AUTS2: variants seen among roughly 807,000 people sequenced by gnomAD.
AUTS2 encodes activator of transcription and developmental regulator AUTS2.
Under a neutral mutation model 112.4 loss-of-function variants are expected in AUTS2, and 17 were observed. The ratio of observed to expected loss-of-function variants is 0.15; its 90% CI spans 0.10 to 0.23. The LOEUF (loss-of-function observed/expected upper bound fraction) is 0.23, where lower values mean the gene tolerates loss of function less well. Ranked by LOEUF, AUTS2 falls within the 10% of genes least tolerant of loss-of-function variation. The probability of loss-of-function intolerance (pLI) is 1.00; values close to 1 mark genes in which losing one functional copy is unlikely to be tolerated. For synonymous variants in AUTS2, 751 were observed against 702.7 expected, an observed-to-expected ratio of 1.07 and a Z score of -1.09; for missense variants, 1,510 against 1,701.6, an observed-to-expected ratio of 0.89 and a Z score of 1.98.
intron 2 of AUTS2, among the ~76,000 whole-genome samples, chr7:69,977,866 A>G (rs1798124805): frequency 1.3e-5 from 2 of 152,128 alleles, no homozygotes; most frequent in Non-Finnish European, 2.9e-5. Context: ...CCACCATGTC[A>G]TTTTTGGGGG....
chr7:70,030,040 A>G (rs1209513064), intron 2 of AUTS2, among the ~76,000 whole-genome samples: 1 of 152,170 alleles, frequency 6.6e-6, no homozygotes, highest in Non-Finnish European at 1.5e-5. Flanking sequence ...CTTTCCAGAA[A>G]ATCTCAGCAG....
In AUTS2 at chr7:70,667,005, CT is replaced by C. The variant is rs552757482; in HGVS notation, c.691-31563del. On this transcript the variant is annotated intron_variant, in intron 5 of 18. Transcript: ENST00000342771. ...AAAAAAAAAAAAGTTTCCTTCCCCCCTCTTCTCTCTGCCTTTCCACAACACA... is the reference window on the plus strand; with the variant it reads ...AAAAAAAAAAAAGTTTCCTTCCCCCCCTTCTCTCTGCCTTTCCACAACACA... Among the ~76,000 whole-genome samples the C allele has an allele frequency of 1.0e-3, 157 of 151,704 alleles. 1 individual carries two copies. The highest frequency in any genetic ancestry group is 3.4e-3 in the African/African-American group (142 of 41,398).
intron 1 of AUTS2, among the ~76,000 whole-genome samples, chr7:69,776,616 G>T (rs2129306817): frequency 6.6e-6 from 1 of 152,238 alleles, no homozygotes; most frequent in Admixed American, 6.5e-5. Context: ...ATGGGGTCTT[G>T]CTATGTTTCC....
Position 69,874,999 on chromosome 7 carries a change from C to T in AUTS2, c.310-24287C>T, listed in dbSNP as rs900617826. ...AACTCGTGATGCCTCCCTGAACCTT[C>T]GATGATTATCTATTGACTATAATCT... On this transcript the variant is annotated intron_variant, in intron 1 of 18. Coordinates refer to ENST00000342771, the MANE Select transcript of AUTS2 (RefSeq NM_015570.4). 4.6e-5 allele frequency among the ~76,000 whole-genome samples: 7 copies of T among 151,442 alleles called. No individual in the cohort carries two copies. The East Asian group carries it at 1.4e-3, about 29-fold the overall frequency.
At chr7:70,486,895 A>AT (rs1287937829) in intron 5 of AUTS2, among the ~76,000 whole-genome samples, 2 of 54,672 alleles carry the variant, frequency 3.7e-5, no homozygotes, top group South Asian at 1.2e-3. Flanking sequence ...TTGTTTTTGT[A>AT]TTCCCCCCCC....
chr7:70,568,570 C>T lies in AUTS2; in HGVS notation c.691-129999C>T, dbSNP rs572233294. On this transcript the variant is annotated intron_variant, in intron 5 of 18. Coordinates refer to ENST00000342771, the MANE Select transcript of AUTS2 (RefSeq NM_015570.4). ...ATCACTTGCCTCATCCCCATCTTCT[C>T]CATCGCAGTGAGGACTGTTCTCAAG... Among the ~76,000 whole-genome samples, 12 of 152,352 alleles carry T rather than the reference C, an allele frequency of 7.9e-5. 1 individual carries two copies. In the South Asian group the frequency reaches 2.5e-3, roughly 32 times the overall value.
At position 70,151,636 on chromosome 7, in the gene AUTS2, G is replaced by C. The variant is rs144590451; in HGVS notation, c.660+17065G>C. On this transcript the variant is annotated intron_variant, in intron 4 of 18. Coordinates refer to ENST00000342771, the MANE Select transcript of AUTS2 (RefSeq NM_015570.4). Reference sequence around the variant, plus strand: ...GCTAATTTTTGTCATTTTTTTAGTTGAGATGGGGTTTCACCATGTTGGCCC... The same window carrying C: ...GCTAATTTTTGTCATTTTTTTAGTTCAGATGGGGTTTCACCATGTTGGCCC... Among the ~76,000 whole-genome samples, 238 of 152,074 alleles carry C rather than the reference G, an allele frequency of 1.6e-3. 1 individual carries two copies. The highest frequency in any genetic ancestry group is 4.9e-3 in the African/African-American group (204 of 41,476).
At chr7:69,922,482 G>C (rs1363697604) in intron 2 of AUTS2, among the ~76,000 whole-genome samples, 1 of 152,094 alleles carries the variant, frequency 6.6e-6, no homozygotes, top group Non-Finnish European at 1.5e-5. Context: ...TACTGTATAG[G>C]CCCTGGTATG....
intron 14 of AUTS2, among the ~76,000 whole-genome samples, chr7:70,780,547 T>C (rs1002841049): frequency 6.6e-6 from 1 of 152,054 alleles, no homozygotes; most frequent in African/African-American, 2.4e-5. Flanking sequence ...GGCTGATCTT[T>C]TGTATTTTAG....
At position 70,775,483 on chromosome 7, in the gene AUTS2, G is replaced by C. The variant is rs1488363381; in HGVS notation, c.1932+97G>C. The C allele has an allele frequency of 3.1e-5, 30 of 977,268 alleles. No individual in the cohort carries two copies. In the Admixed American group the frequency reaches 5.6e-4, roughly 18 times the overall value. The allele number at this position is 977,268 out of a possible 1,614,324, so 60.5% of individuals were successfully genotyped here. A position where few individuals can be genotyped will look rare whatever the true frequency, so the allele number is the denominator to read the frequency against. The stretch of plus-strand genomic sequence containing the variant: ...TTACAAGGAAATAAGCCATAGAAAT[G>C]TTGGAATAAGACATTGGAATGACGG... On this transcript the variant is annotated intron_variant, in intron 13 of 18. Coordinates refer to ENST00000342771, the MANE Select transcript of AUTS2 (RefSeq NM_015570.4).
rs980144249 is a variant in AUTS2, at chr7:70,050,305, C to T, written c.523-67827C>T. On this transcript the variant is annotated intron_variant, in intron 2 of 18. Coordinates refer to ENST00000342771, the MANE Select transcript of AUTS2 (RefSeq NM_015570.4). ...CCATGAGGTGGAGGTTGCAGTGAGC[C>T]GAGATCGAGCCACTGCAATCCAGCC... Among the ~76,000 whole-genome samples, 8 of 125,070 alleles carry T rather than the reference C, an allele frequency of 6.4e-5. No individual in the cohort carries two copies. In the Admixed American group the frequency reaches 7.7e-4, roughly 12 times the overall value. The allele number at this position is 125,070 out of a possible 152,430, so 82.1% of individuals were successfully genotyped here.
chr7:69,809,512 G>A (rs968875007), intron 1 of AUTS2, among the ~76,000 whole-genome samples: 4 of 152,166 alleles, frequency 2.6e-5, no homozygotes, highest in African/African-American at 9.7e-5. Context: ...CTCTTCAAAT[G>A]TTTGTACCAC....
intron 2 of AUTS2, among the ~76,000 whole-genome samples, chr7:70,032,451 A>G (rs1481226274): frequency 6.6e-6 from 1 of 152,018 alleles, no homozygotes; most frequent in Non-Finnish European, 1.5e-5. Context: ...TTGCTCAATA[A>G]CTCCTCCAAT....
intron 2 of AUTS2, among the ~76,000 whole-genome samples, chr7:70,102,320 G>A (rs1444536588): frequency 4.6e-5 from 7 of 151,464 alleles, no homozygotes; most frequent in African/African-American, 1.5e-4. Context: ...GGGTTTCACC[G>A]TGTTAGCCAG....
At chr7:69,881,002 G>A (rs1794018303) in intron 1 of AUTS2, among the ~76,000 whole-genome samples, 1 of 152,202 alleles carries the variant, frequency 6.6e-6, no homozygotes, top group Non-Finnish European at 1.5e-5. Context: ...CGTATGAGTA[G>A]AATCGCCAAG....
At chr7:70,583,406 T>C (rs1466128207) in intron 5 of AUTS2, among the ~76,000 whole-genome samples, 1 of 152,144 alleles carries the variant, frequency 6.6e-6, no homozygotes, top group African/African-American at 2.4e-5. Flanking sequence ...AAATCAGAAA[T>C]CACAACCGCA....
At chr7:69,977,732 G>T (rs1435552199) in intron 2 of AUTS2, among the ~76,000 whole-genome samples, 1 of 151,976 alleles carries the variant, frequency 6.6e-6, no homozygotes, top group Non-Finnish European at 1.5e-5. Flanking sequence ...ACTTTTCTAG[G>T]GGCTTGTTTT....
intron 2 of AUTS2, among the ~76,000 whole-genome samples, chr7:70,010,623 C>T (rs565769764): frequency 6.6e-6 from 1 of 152,188 alleles, no homozygotes; most frequent in African/African-American, 2.4e-5. Flanking sequence ...AGAAATAAGC[C>T]TTTGTTATTT....
intron 1 of AUTS2, among the ~76,000 whole-genome samples, chr7:69,666,521 G>T (rs1041517961): frequency 6.6e-6 from 1 of 152,116 alleles, no homozygotes; most frequent in Non-Finnish European, 1.5e-5. Context: ...CTTCTAAGCC[G>T]TGATATGTCT....
Sources: allele counts gnomAD v4.1 joint callset (sites outside exome capture counted in the v4.1 genomes callset), GRCh38; gene constraint gnomAD v4.1.1; transcripts MANE v1.5; gene names NCBI Gene and HGNC (gene_info 2026-07-23, HGNC 2026-07-21).